Variants in SRRM4 observed in about 807,000 individuals in gnomAD.
SRRM4 encodes the protein serine/arginine repetitive matrix protein 4.
Under a neutral mutation model 68.9 loss-of-function variants are expected in SRRM4, and 33 were observed. The observed-to-expected ratio is 0.48, with a 90% CI of 0.36 to 0.64. The LOEUF is 0.64. Ranked by LOEUF, SRRM4 falls within the 30% of genes least tolerant of loss-of-function variation. The pLI, the probability that SRRM4 is intolerant of heterozygous loss-of-function variation, is 0.00. For missense variants in SRRM4, 817 were observed against 827.1 expected, an observed-to-expected ratio of 0.99 and a Z score of 0.15; for synonymous variants, 318 against 318.8, an observed-to-expected ratio of 1.00 and a Z score of 0.03.
At chr12:119,106,327 T>G (rs1338037045) in intron 2 of SRRM4, among the ~76,000 whole-genome samples, 1 of 152,218 alleles carries the variant, frequency 6.6e-6, no homozygotes, top group Non-Finnish European at 1.5e-5. Flanking sequence ...TTAAAGTAGT[T>G]TTTTCCAGTT....
intron 1 of SRRM4, among the ~76,000 whole-genome samples, chr12:119,093,685 C>G (rs1419955036): frequency 6.6e-6 from 1 of 152,194 alleles, no homozygotes; most frequent in Non-Finnish European, 1.5e-5. Flanking sequence ...GAACCCAGGT[C>G]AGCAGGACTC....
At chr12:119,070,995 G>A (rs1309516464) in intron 1 of SRRM4, among the ~76,000 whole-genome samples, 1 of 152,176 alleles carries the variant, frequency 6.6e-6, no homozygotes. Context: ...GAAGCTGGAT[G>A]CTTGGGTATG....
chr12:119,107,301 C>T (rs1840052274), intron 2 of SRRM4, among the ~76,000 whole-genome samples: 1 of 152,144 alleles, frequency 6.6e-6, no homozygotes, highest in African/African-American at 2.4e-5. Flanking sequence ...GTGTCTCTGC[C>T]AGGCTTTGGT....
At chr12:119,070,066 T>C (rs902849483) in intron 1 of SRRM4, among the ~76,000 whole-genome samples, 11 of 152,170 alleles carry the variant, frequency 7.2e-5, no homozygotes, top group Non-Finnish European at 1.3e-4. Context: ...GCAGGTCCCT[T>C]GCTTCCAATC....
At chr12:119,021,225 C>G (rs1953514134) in intron 1 of SRRM4, among the ~76,000 whole-genome samples, 1 of 152,128 alleles carries the variant, frequency 6.6e-6, no homozygotes, top group Non-Finnish European at 1.5e-5. Context: ...CATTTGGACA[C>G]TCTTCTGTAA....
intron 1 of SRRM4, among the ~76,000 whole-genome samples, chr12:119,004,515 A>G (rs1052815039): frequency 2.0e-5 from 3 of 151,976 alleles, no homozygotes; most frequent in African/African-American, 4.8e-5. Context: ...AGTTTTGTTC[A>G]GATTTCTCCA....
chr12:119,142,155 C>T (rs563074545), intron 8 of SRRM4, among the ~76,000 whole-genome samples: 1 of 152,238 alleles, frequency 6.6e-6, no homozygotes, highest in East Asian at 1.9e-4. Context: ...GTGAAGTAGG[C>T]AGGACCGGGC....
Position 118,990,890 on chromosome 12 carries a change from G to A in SRRM4, c.131+8877G>A, listed in dbSNP as rs578211889. Among the ~76,000 whole-genome samples, 21 of 152,282 alleles carry A rather than the reference G, an allele frequency of 1.4e-4. 1 individual carries two copies. The South Asian group carries it at 4.4e-3, about 32-fold the overall frequency. On this transcript the variant is annotated intron_variant, in intron 1 of 12. Transcript: ENST00000267260. Reference sequence around the variant, plus strand: ...GCTGGAGTGCAGTGGTGCGAACTCAGCTCACTGCAACCTCTGCCTCCCAGG... The same window carrying A: ...GCTGGAGTGCAGTGGTGCGAACTCAACTCACTGCAACCTCTGCCTCCCAGG...
chr12:119,154,457 G>A lies in SRRM4; in HGVS notation c.1532+74G>A. On this transcript the variant is annotated intron_variant, in intron 12 of 12. Transcript: ENST00000267260. The surrounding 1 kb of genome is among the most constrained non-coding windows in gnomAD (Gnocchi z 4.7). ...CCATTCTTACTCATTCGAGCCTCAG[G>A]CTCTCCCTAGGCCTCCTTGGGGCTG... The A allele has an allele frequency of 1.3e-6, 2 of 1,547,718 alleles. No homozygotes were observed. The highest frequency in any genetic ancestry group is 1.8e-5 in the Admixed American group (1 of 55,228).
rs1204041035 is a variant in SRRM4 at position 119,160,373 on chromosome 12, C to T, written c.*3575C>T. 1 of 151,444 alleles carries T rather than the reference C, an allele frequency of 6.6e-6. No homozygotes were observed. Among genetic ancestry groups the T allele is most frequent in the Admixed American group, 6.6e-5 (1 of 15,194 alleles). 9.4% of individuals were successfully genotyped at this position (151,444 alleles called of 1,614,324 possible). ...CATTTCCTTTTTTTCTATCCAAAAA[C>T]AATGTGCTTGTTGAGGCACTGGTAA... is the stretch of plus-strand genomic sequence containing the variant. On this transcript the variant is annotated 3_prime_UTR_variant, in exon 13 of 13. Coordinates refer to ENST00000267260, the MANE Select transcript of SRRM4 (RefSeq NM_194286.4).
intron 1 of SRRM4, among the ~76,000 whole-genome samples, chr12:119,071,056 G>C (rs75236934): frequency 1.3e-5 from 2 of 152,140 alleles, no homozygotes; most frequent in Non-Finnish European, 2.9e-5. Flanking sequence ...CAGGTTTTCC[G>C]TGGCAGGCCA....
At chr12:119,145,974 T>C (rs928536163) in intron 9 of SRRM4, among the ~76,000 whole-genome samples, 1 of 152,196 alleles carries the variant, frequency 6.6e-6, no homozygotes, top group African/African-American at 2.4e-5. Context: ...TCCCAAAGCA[T>C]TGTCAAATAT....
chr12:119,095,393 C>T (rs1400567465), intron 1 of SRRM4, among the ~76,000 whole-genome samples: 2 of 152,070 alleles, frequency 1.3e-5, no homozygotes, highest in Non-Finnish European at 2.9e-5. Flanking sequence ...TTTCACAGCC[C>T]TGGATGCACG....
Position 119,154,232 on chromosome 12 carries a change from C to T in SRRM4, c.1392-11C>T, listed in dbSNP as rs1228713711. On this transcript the variant is annotated splice_polypyrimidine_tract_variant and intron_variant, in intron 11 of 12. Transcript: ENST00000267260. This position sits in a 1 kb window ranked among gnomAD's most constrained non-coding sequence, Gnocchi z 4.7. ...GCCCCAGCTCCCCAGTAACCCCCCG[C>T]GCCCCTTCAGGGAGCGGGATCCCAA... 3.8e-6 allele frequency: 6 copies of T among 1,593,382 alleles called. No homozygotes were observed. The highest frequency in any genetic ancestry group is 5.1e-6 in the Non-Finnish European group (6 of 1,168,492).
intron 1 of SRRM4, among the ~76,000 whole-genome samples, chr12:119,044,703 G>A (rs1241010165): frequency 6.6e-6 from 1 of 152,044 alleles, no homozygotes; most frequent in African/African-American, 2.4e-5. Context: ...GAGGAACCAG[G>A]GAGATAAAAA....
At chr12:119,081,823 G>A (rs1446256599) in intron 1 of SRRM4, among the ~76,000 whole-genome samples, 1 of 152,246 alleles carries the variant, frequency 6.6e-6, no homozygotes, top group Non-Finnish European at 1.5e-5. Context: ...TTTGCTGATA[G>A]GTCAGAACTG....
In SRRM4 at chr12:119,151,206, C is replaced by A. The variant is rs761572995; in HGVS notation, c.1266C>A (p.Thr422=). The A allele has an allele frequency of 1.2e-6, 2 of 1,613,844 alleles. No individual in the cohort carries two copies. The highest frequency in any genetic ancestry group is 1.3e-5 in the African/African-American group (1 of 74,956). ...ASPRYTQSRS[T]SSEKRSYSRS... The stretch of plus-strand genomic sequence containing the variant: ...CCAGGTACACCCAAAGCCGATCCAC[C>A]TCTTCTGAAAAAAGGTGAGTGTGGT... Residue 422 remains threonine (T), a synonymous_variant, in exon 10 of 13, where the codon ACC becomes ACA. Transcript: ENST00000267260.
intron 8 of SRRM4, among the ~76,000 whole-genome samples, chr12:119,139,512 T>C (rs1954351509): frequency 6.6e-6 from 1 of 152,180 alleles, no homozygotes; most frequent in South Asian, 2.1e-4. Context: ...ACAGAGCACA[T>C]CAAGATTTGT....
At chr12:119,127,594 G>T (rs1279852406) in intron 7 of SRRM4, among the ~76,000 whole-genome samples, 1 of 152,028 alleles carries the variant, frequency 6.6e-6, no homozygotes, top group Non-Finnish European at 1.5e-5. Context: ...CAGGTGTGGT[G>T]GTGGGCACCT....
Sources: allele counts gnomAD v4.1 joint callset (sites outside exome capture counted in the v4.1 genomes callset), GRCh38; gene constraint gnomAD v4.1.1; non-coding constraint Gnocchi (gnomAD v3.1); transcripts MANE v1.5; gene names NCBI Gene and HGNC (gene_info 2026-07-23, HGNC 2026-07-21).